SEL1L2: variants seen among roughly 807,000 people sequenced by gnomAD.
The protein encoded by SEL1L2 is SEL1L2 adaptor subunit of SYVN1 ubiquitin ligase.
In SEL1L2, 89 loss-of-function variants were observed where a neutral mutation model predicts 98.8. That is an observed-to-expected ratio of 0.90 (90% confidence interval 0.76 to 1.07). The LOEUF is 1.07. SEL1L2 is among the 50% of genes least tolerant of loss of function. The pLI is 0.00. For missense variants in SEL1L2, 788 were observed against 812.0 expected (o/e 0.97, Z 0.36); for synonymous variants, 262 against 278.5 (o/e 0.94, Z 0.59).
chr20:13,960,350 G>T (rs992781972), intron 1 of SEL1L2, among the ~76,000 whole-genome samples: 3 of 152,002 alleles, frequency 2.0e-5, no homozygotes, highest in African/African-American at 7.2e-5. Context: ...AAAATTACAG[G>T]GCTAAAAGCA....
intron 5 of SEL1L2, among the ~76,000 whole-genome samples, chr20:13,902,700 T>G (rs2047735546): frequency 1.7e-5 from 1 of 58,182 alleles, no homozygotes. Flanking sequence ...TGCTGGTCCC[T>G]TTTTAGTAGA....
intron 10 of SEL1L2, 107 bp from the exon 11 acceptor site, chr20:13,877,695 C>T: frequency 1.2e-6 from 1 of 830,642 alleles, no homozygotes; most frequent in Admixed American, 2.2e-5. Context: ...ATCTATGGTG[C>T]TTGCCACTGA....
chr20:13,976,126 C>T (rs1488556332), intron 1 of SEL1L2, among the ~76,000 whole-genome samples: 2 of 152,044 alleles, frequency 1.3e-5, no homozygotes, highest in African/African-American at 2.4e-5. Context: ...CTCAGCCTCC[C>T]GAATAGCTGG....
chr20:13,956,927 T>C (rs1358174538), intron 1 of SEL1L2, among the ~76,000 whole-genome samples: 1 of 151,714 alleles, frequency 6.6e-6, no homozygotes, highest in Non-Finnish European at 1.5e-5. Context: ...TTTTGGGAAG[T>C]AAAAAAAATG....
rs760918143 is a variant in SEL1L2, at chr20:13,866,800, G to C, written c.1306C>G (p.Leu436Val). The change falls in exon 15 of 20, where the codon CTG becomes GTG. Residue 436 changes from leucine to valine, a missense_variant. Transcript: ENST00000284951. ...DYKLAFKYFY[L>V]ASQSGQPLAI... ...AGGGGCTGCCCACTCTGAGATGCCA[G>C]GTAAAAATATTTGAAGGCAAGTTTA... 7 of 1,612,676 alleles carry C rather than the reference G, an allele frequency of 4.3e-6. No homozygotes were observed. Among genetic ancestry groups the C allele is most frequent in the Middle Eastern group, 1.7e-4 (1 of 6,056 alleles).
At chr20:13,889,611 G>A (rs2047115565) in intron 5 of SEL1L2, among the ~76,000 whole-genome samples, 2 of 152,064 alleles carry the variant, frequency 1.3e-5, no homozygotes, top group Non-Finnish European at 2.9e-5. Context: ...CTAACACAGT[G>A]AAACCCTGTC....
In SEL1L2 at chr20:13,913,691, C is replaced by A. The variant is rs2148189526; in HGVS notation, c.549+91G>T. 3 of 1,183,872 alleles carry A rather than the reference C, an allele frequency of 2.5e-6. No individual in the cohort carries two copies. In the East Asian group the frequency reaches 8.7e-5, roughly 34 times the overall value. 73.3% of individuals were successfully genotyped at this position (1,183,872 alleles called of 1,614,324 possible). On this transcript the variant is annotated intron_variant, in intron 5 of 19. Coordinates refer to ENST00000284951, the MANE Select transcript of SEL1L2 (RefSeq NM_025229.2). ...CCTAGACTGGGTTCATGCAGCAGAG[C>A]TGGAATACTATTGCTCAACTCCTTT...
chr20:13,927,941 T>C (rs1233809517), intron 3 of SEL1L2: 1 of 152,234 alleles, frequency 6.6e-6, no homozygotes, highest in Non-Finnish European at 1.5e-5. Flanking sequence ...AGACTTAATA[T>C]CTCTTTGAGT....
intron 1 of SEL1L2, among the ~76,000 whole-genome samples, chr20:13,963,875 T>C (rs772297796): frequency 6.6e-6 from 1 of 152,012 alleles, no homozygotes; most frequent in East Asian, 1.9e-4. Flanking sequence ...CCTAAATATA[T>C]ATATTTTTTT....
chr20:13,858,598 T>C (rs546635004), intron 18 of SEL1L2, among the ~76,000 whole-genome samples: 1 of 152,368 alleles, frequency 6.6e-6, no homozygotes, highest in East Asian at 1.9e-4. Flanking sequence ...TCGTTATTGA[T>C]ACTGAATACA....
intron 12 of SEL1L2, 78 bp downstream of exon 12, chr20:13,875,960 T>A: frequency 3.5e-6 from 4 of 1,131,164 alleles, no homozygotes; most frequent in African/African-American, 1.5e-5. Flanking sequence ...GACTTCGAAG[T>A]CAATTCTTTG....
intron 1 of SEL1L2, among the ~76,000 whole-genome samples, chr20:13,976,337 T>C (rs905518310): frequency 1.3e-5 from 2 of 152,108 alleles, no homozygotes; most frequent in Admixed American, 6.6e-5. Context: ...GTCTGTTTTT[T>C]TAAAGAGGAA....
In SEL1L2 at chr20:13,888,439, T is replaced by G; in HGVS notation, c.603+20A>C. ...TAGAGAAATCAATTTTGTTCCAGAA[T>G]AAAACAGAATGATCTTTACCTTAGC... is the stretch of plus-strand genomic sequence containing the variant. On this transcript the variant is annotated intron_variant, in intron 6 of 19. Transcript: ENST00000284951. 6.7e-7 allele frequency: 1 copy of G among 1,488,718 alleles called. No homozygotes were observed. The allele number at this position is 1,488,718 out of a possible 1,614,324, so 92.2% of individuals were successfully genotyped here.
chr20:13,904,341 C>A (rs2047821391), intron 5 of SEL1L2, among the ~76,000 whole-genome samples: 1 of 152,072 alleles, frequency 6.6e-6, no homozygotes, highest in Non-Finnish European at 1.5e-5. Context: ...CCAGCCTGGC[C>A]AACGTGGTGA....
At chr20:13,907,726 C>T (rs2048008531) in intron 5 of SEL1L2, among the ~76,000 whole-genome samples, 1 of 128,832 alleles carries the variant, frequency 7.8e-6, no homozygotes, top group Non-Finnish European at 1.6e-5. Flanking sequence ...TTCTTTCTTT[C>T]TTTCTTTCTT....
chr20:13,964,447 A>ATT lies in SEL1L2; in HGVS notation c.59-8318_59-8317dup, dbSNP rs369646828. Among the ~76,000 whole-genome samples the ATT allele has an allele frequency of 7.8e-3, 865 of 111,442 alleles. 14 individuals carry two copies. The highest frequency in any genetic ancestry group is 0.018 in the Middle Eastern group (3 of 170). The allele number at this position is 111,442 out of a possible 152,430, so 73.1% of individuals were successfully genotyped here. ...GTGCTCTGCTATCTGCTATCTCTTC[A>ATT]TTTTTTTTTTTTTTTTTTTTCTGAG... On this transcript the variant is annotated intron_variant, in intron 1 of 19. Transcript: ENST00000284951.
At chr20:13,881,392 G>A (rs1199499224) in intron 10 of SEL1L2, among the ~76,000 whole-genome samples, 2 of 152,156 alleles carry the variant, frequency 1.3e-5, no homozygotes, top group East Asian at 3.8e-4. Flanking sequence ...TTTTAAATGG[G>A]TGGTAGGATA....
intron 5 of SEL1L2, among the ~76,000 whole-genome samples, chr20:13,906,604 T>C (rs1384130002): frequency 1.3e-5 from 2 of 152,206 alleles, no homozygotes; most frequent in Non-Finnish European, 2.9e-5. Context: ...AGGTGGATAC[T>C]AAAAATAATT....
intron 5 of SEL1L2, among the ~76,000 whole-genome samples, chr20:13,909,109 CTCTCTCTCTCATTT>C (rs2048107946): frequency 6.6e-6 from 1 of 152,038 alleles, no homozygotes. Context: ...CAGTCTCGCT[CTCTCTCTCTCATTT>C]TCTCTCTCTC....
Sources: gnomAD v4.1 joint callset for allele counts (sites outside exome capture counted in the v4.1 genomes callset) on GRCh38, gnomAD v4.1.1 for gene constraint, MANE v1.5 for transcripts, NCBI Gene and HGNC (gene_info 2026-07-23, HGNC 2026-07-21) for gene names.